PPP2R2A: variants seen among roughly 807,000 people sequenced by gnomAD.
PPP2R2A encodes the protein serine/threonine-protein phosphatase 2A 55 kDa regulatory subunit B alpha isoform.
A neutral mutation model predicts 53.2 loss-of-function variants in PPP2R2A; 9 were observed. That is an observed-to-expected ratio of 0.17 (90% CI 0.10 to 0.30). The LOEUF (loss-of-function observed/expected upper bound fraction) is 0.30. Ranked by LOEUF, PPP2R2A falls within the 10% of genes least tolerant of loss-of-function variation. The pLI is 1.00. For synonymous variants in PPP2R2A, 169 were observed against 174.2 expected (o/e 0.97, Z 0.23); for missense variants, 235 against 534.6 (o/e 0.44, Z 5.53).
chr8:26,302,952 T>A (rs955682371), intron 2 of PPP2R2A, among the ~76,000 whole-genome samples: 1 of 152,228 alleles, frequency 6.6e-6, no homozygotes, highest in Non-Finnish European at 1.5e-5. Context: ...GTTAAGGGGA[T>A]CCTGTCATTC....
At chr8:26,343,916 A>G (rs1804077671) in intron 3 of PPP2R2A, among the ~76,000 whole-genome samples, 1 of 152,058 alleles carries the variant, frequency 6.6e-6, no homozygotes, top group African/African-American at 2.4e-5. Context: ...AAATGTGTAC[A>G]TTTTCCCCCC....
chr8:26,344,435 G>C (rs1359673161), intron 3 of PPP2R2A, among the ~76,000 whole-genome samples: 1 of 152,128 alleles, frequency 6.6e-6, no homozygotes, highest in Non-Finnish European at 1.5e-5. Flanking sequence ...CTAATTGTTA[G>C]AAATCACACA....
intron 2 of PPP2R2A, among the ~76,000 whole-genome samples, chr8:26,319,064 T>C (rs1390593693): frequency 6.6e-6 from 1 of 152,178 alleles, no homozygotes; most frequent in African/African-American, 2.4e-5. Context: ...ACTTTGTGTC[T>C]CTATGAATTT....
Position 26,321,899 on chromosome 8 carries a change from C to A in PPP2R2A, c.83-16991C>A, listed in dbSNP as rs529820881. Among the ~76,000 whole-genome samples, 2 of 152,368 alleles carry A rather than the reference C, an allele frequency of 1.3e-5. No individual in the cohort carries two copies. The highest frequency in any genetic ancestry group is 4.8e-5 in the African/African-American group (2 of 41,588). On this transcript the variant is annotated intron_variant, in intron 2 of 9. Transcript: ENST00000380737. This position sits in a 1 kb window ranked among gnomAD's most constrained non-coding sequence, Gnocchi z 4.1. Reference sequence around the variant, plus strand: ...AAGTAACAATGTCAACATTTCCCCTCCTCGGTCTAAGATTTGAACTTGGTT... The same window carrying A: ...AAGTAACAATGTCAACATTTCCCCTACTCGGTCTAAGATTTGAACTTGGTT...
intron 4 of PPP2R2A, chr8:26,358,807 G>A: frequency 2.5e-6 from 1 of 393,256 alleles, no homozygotes. Flanking sequence ...CAATTGAATG[G>A]ATACATGGAG....
At chr8:26,327,516 C>T (rs1318251362) in intron 2 of PPP2R2A, among the ~76,000 whole-genome samples, 8 of 152,154 alleles carry the variant, frequency 5.3e-5, no homozygotes, top group Non-Finnish European at 1.0e-4. Context: ...TACAATAAAA[C>T]GTTCTTAAAT....
chr8:26,296,421 T>C (rs897085415), intron 2 of PPP2R2A, among the ~76,000 whole-genome samples: 1 of 152,258 alleles, frequency 6.6e-6, no homozygotes, highest in African/African-American at 2.4e-5. Context: ...GTCTTTGTTT[T>C]TGCTGCTTCC....
intron 2 of PPP2R2A, among the ~76,000 whole-genome samples, chr8:26,319,110 G>A (rs1227989753): frequency 1.3e-5 from 2 of 152,112 alleles, no homozygotes; most frequent in Non-Finnish European, 2.9e-5. Flanking sequence ...GAATCCTACA[G>A]TATTTGTCTT....
intron 2 of PPP2R2A, among the ~76,000 whole-genome samples, chr8:26,307,924 T>C (rs1802097522): frequency 6.6e-6 from 1 of 152,186 alleles, no homozygotes; most frequent in Non-Finnish European, 1.5e-5. Context: ...GTACTATATG[T>C]AAATGAAAAA....
At chr8:26,356,247 A>T (rs547728862) in intron 4 of PPP2R2A, among the ~76,000 whole-genome samples, 2 of 152,306 alleles carry the variant, frequency 1.3e-5, no homozygotes, top group South Asian at 4.1e-4. Context: ...TCCTCCATCT[A>T]ATTGATGCCC....
At chr8:26,361,824 G>A (rs1220813784) in intron 6 of PPP2R2A, among the ~76,000 whole-genome samples, 1 of 151,836 alleles carries the variant, frequency 6.6e-6, no homozygotes, top group African/African-American at 2.4e-5. Flanking sequence ...AGCCGGGCAT[G>A]GTGGCGCATG....
intron 9 of PPP2R2A, among the ~76,000 whole-genome samples, chr8:26,367,358 A>T (rs1805428310): frequency 6.6e-6 from 1 of 152,244 alleles, no homozygotes; most frequent in Non-Finnish European, 1.5e-5. Flanking sequence ...TACTGAAATA[A>T]GGTGTGGCGC....
At position 26,363,820 on chromosome 8, in the gene PPP2R2A, T is replaced by C. The variant is rs780953824; in HGVS notation, c.902T>C (p.Met301Thr). Residue 301 changes from methionine (M) to threonine (T), a missense_variant, in exon 8 of 10, where the codon ATG becomes ACG. Physicochemically the swap from Met to Thr is moderately conservative, Grantham distance 81. Coordinates refer to ENST00000380737, the MANE Select transcript of PPP2R2A (RefSeq NM_002717.4). Reference protein sequence around the residue: ...VKFSHSGRYMMTRDYLSVKIW... With the variant: ...VKFSHSGRYMTTRDYLSVKIW... ...TTCAGCCATAGTGGTCGATATATGA[T>C]GACTAGAGACTATTTGTCAGTCAAA... 3.7e-6 allele frequency: 6 copies of C among 1,607,966 alleles called. 1 individual carries two copies. In the South Asian group the frequency reaches 6.6e-5, roughly 18 times the overall value.
intron 3 of PPP2R2A, among the ~76,000 whole-genome samples, chr8:26,351,078 A>G (rs2117369469): frequency 1.3e-5 from 2 of 152,278 alleles, no homozygotes; most frequent in East Asian, 3.9e-4. Flanking sequence ...TTTTTTGAAT[A>G]GTATATTTTT....
chr8:26,308,321 T>C (rs568314787), intron 2 of PPP2R2A, among the ~76,000 whole-genome samples: 7 of 152,366 alleles, frequency 4.6e-5, no homozygotes, highest in African/African-American at 7.2e-5. Flanking sequence ...GTTGACTCTT[T>C]CATGAAAGAT....
chr8:26,292,228 C>T (rs1430987875), intron 1 of PPP2R2A: 35 of 1,054,788 alleles, frequency 3.3e-5, no homozygotes, highest in Admixed American at 5.6e-5. Context: ...TCTATTTTTC[C>T]CCCTGCTGCA....
chr8:26,339,871 A>G (rs565499924), intron 3 of PPP2R2A: 3 of 152,240 alleles, frequency 2.0e-5, no homozygotes, highest in South Asian at 2.1e-4. Flanking sequence ...CAAAGAATCT[A>G]GTAATAATAC....
chr8:26,305,997 A>G (rs1471478216), intron 2 of PPP2R2A, among the ~76,000 whole-genome samples: 2 of 152,122 alleles, frequency 1.3e-5, no homozygotes, highest in Admixed American at 1.3e-4. Flanking sequence ...ATGGTAGCCT[A>G]CAAGCTACCA....
intron 1 of PPP2R2A, chr8:26,293,091 C>G (rs1801379414): frequency 1.6e-6 from 1 of 624,058 alleles, no homozygotes; most frequent in South Asian, 2.9e-5. Context: ...CTTCCTTTGA[C>G]AGTCTCTTTA....
Sources: allele counts gnomAD v4.1 joint callset (sites outside exome capture counted in the v4.1 genomes callset), GRCh38; gene constraint gnomAD v4.1.1; non-coding constraint Gnocchi (gnomAD v3.1); transcripts MANE v1.5; gene names NCBI Gene and HGNC (gene_info 2026-07-23, HGNC 2026-07-21).